Variants in IQGAP2 observed in about 807,000 individuals in gnomAD.
IQGAP2 encodes ras GTPase-activating-like protein IQGAP2.
In IQGAP2, 173 loss-of-function variants were observed where a neutral mutation model predicts 201.3. The observed-to-expected ratio is 0.86, with a 90% CI of 0.76 to 0.98. The LOEUF (loss-of-function observed/expected upper bound fraction) is 0.98. Among genes scored for constraint, IQGAP2 ranks in the 50% least tolerant of loss-of-function variants. IQGAP2 has a pLI of 0.00. For synonymous variants in IQGAP2, 675 were observed against 673.9 expected (o/e 1.00, Z -0.03); for missense variants, 1,687 against 1,864.8 (o/e 0.90, Z 1.76).
intron 17 of IQGAP2, among the ~76,000 whole-genome samples, chr5:76,642,538 A>G (rs980936009): frequency 6.6e-6 from 1 of 152,230 alleles, no homozygotes; most frequent in Non-Finnish European, 1.5e-5. Context: ...GATGTGGACC[A>G]GAAGTGAATA....
chr5:76,707,068 G>T (rs925633963), intron 35 of IQGAP2, 132 bp from the exon 36 acceptor site: 4 of 617,596 alleles, frequency 6.5e-6, no homozygotes, highest in Non-Finnish European at 1.2e-5. Flanking sequence ...ACCAACCTGG[G>T]CAACATAGTT....
At chr5:76,488,763 A>G (rs903965336) in intron 2 of IQGAP2, among the ~76,000 whole-genome samples, 1 of 152,156 alleles carries the variant, frequency 6.6e-6, no homozygotes, top group Non-Finnish European at 1.5e-5. Flanking sequence ...CTAATCCACC[A>G]GCTTATATTA....
At chr5:76,561,515 T>A (rs1744364187) in intron 2 of IQGAP2, among the ~76,000 whole-genome samples, 1 of 152,128 alleles carries the variant, frequency 6.6e-6, no homozygotes, top group Non-Finnish European at 1.5e-5. Context: ...GATTTGTAGA[T>A]CAGTAGCTGG....
intron 1 of IQGAP2, among the ~76,000 whole-genome samples, chr5:76,439,943 G>A (rs971333566): frequency 1.3e-5 from 2 of 152,072 alleles, no homozygotes; most frequent in Non-Finnish European, 2.9e-5. Flanking sequence ...TGTTTTATAG[G>A]CCATGTGAGT....
At chr5:76,609,329 C>T (rs542941976) in intron 12 of IQGAP2, 8 of 1,124,786 alleles carry the variant, frequency 7.1e-6, no homozygotes, top group Non-Finnish European at 1.0e-5. Flanking sequence ...ACGACAGTAC[C>T]TTGTATATAG....
At chr5:76,480,124 T>C (rs1755685415) in intron 2 of IQGAP2, among the ~76,000 whole-genome samples, 1 of 151,848 alleles carries the variant, frequency 6.6e-6, no homozygotes, top group African/African-American at 2.4e-5. Context: ...GGGCAGGGAG[T>C]GTCACCAGAG....
At chr5:76,647,821 C>A (rs1174384040) in intron 17 of IQGAP2, among the ~76,000 whole-genome samples, 4 of 105,690 alleles carry the variant, frequency 3.8e-5, no homozygotes, top group African/African-American at 1.6e-4. Flanking sequence ...TCTAGCCAAA[C>A]ACCACACACA....
chr5:76,600,717 T>C (rs998583296), intron 10 of IQGAP2, 95 bp from the exon 11 acceptor site: 9 of 1,452,748 alleles, frequency 6.2e-6, no homozygotes, highest in Middle Eastern at 1.8e-4. Context: ...GTTCTTTGAC[T>C]TTTTGTTGTT....
intron 6 of IQGAP2, 134 bp downstream of exon 6, chr5:76,589,107 A>AC: frequency 4.4e-6 from 2 of 450,050 alleles, no homozygotes; most frequent in Non-Finnish European, 8.1e-6. Flanking sequence ...AGGTCAGGAG[A>AC]TCGAGACCAT....
intron 1 of IQGAP2, among the ~76,000 whole-genome samples, chr5:76,453,661 T>G (rs1036342958): frequency 2.6e-5 from 4 of 152,230 alleles, no homozygotes; most frequent in Non-Finnish European, 4.4e-5. Context: ...GACCTGCTAA[T>G]TCTGCTTAAC....
intron 2 of IQGAP2, among the ~76,000 whole-genome samples, chr5:76,508,425 G>A (rs1235236910): frequency 1.3e-5 from 2 of 152,170 alleles, no homozygotes; most frequent in Non-Finnish European, 2.9e-5. Flanking sequence ...TGCCATTAGG[G>A]AATTACAAAT....
intron 35 of IQGAP2, among the ~76,000 whole-genome samples, chr5:76,705,759 T>G (rs957405066): frequency 6.6e-6 from 1 of 151,974 alleles, no homozygotes; most frequent in Non-Finnish European, 1.5e-5. Context: ...AGAGTCAGAG[T>G]TCTCTCAAAG....
chr5:76,565,873 T>G (rs1744712476), intron 3 of IQGAP2, among the ~76,000 whole-genome samples: 1 of 152,126 alleles, frequency 6.6e-6, no homozygotes, highest in Non-Finnish European at 1.5e-5. Context: ...AAAAATTGGA[T>G]TCCTGGGTCC....
chr5:76,577,459 G>T (rs1745545921), intron 5 of IQGAP2, among the ~76,000 whole-genome samples: 1 of 152,160 alleles, frequency 6.6e-6, no homozygotes, highest in African/African-American at 2.4e-5. Flanking sequence ...TCCTGGAGGG[G>T]ATTCCTGTTG....
intron 1 of IQGAP2, among the ~76,000 whole-genome samples, chr5:76,451,263 C>T (rs191482645): frequency 5.8e-4 from 88 of 152,246 alleles, no homozygotes; most frequent in Non-Finnish European, 3.8e-4. Context: ...TCCCCCATAC[C>T]GTGCTCCTCT....
Position 76,632,001 on chromosome 5 carries a change from G to T in IQGAP2, c.1755G>T (p.Lys585Asn). 6.2e-7 allele frequency: 1 copy of T among 1,607,302 alleles called. No individual in the cohort carries two copies. Among genetic ancestry groups the T allele is most frequent in the South Asian group, 1.1e-5 (1 of 89,126 alleles). The change falls in exon 15 of 36, where the codon AAG becomes AAT. Residue 585 changes from lysine to asparagine, a missense_variant. Transcript: ENST00000274364. ...CADKYYDALV[K>N]AKELKSERVS... ...ACAAATACTATGATGCCCTTGTGAA[G>T]GCAAAAGAGCTCAAATCTGAAAGAG...
chr5:76,427,770 C>G (rs1013063806), intron 1 of IQGAP2, among the ~76,000 whole-genome samples: 1 of 152,186 alleles, frequency 6.6e-6, no homozygotes, highest in Non-Finnish European at 1.5e-5. Flanking sequence ...TAGTGAGGCT[C>G]TGCTACGGAC....
intron 1 of IQGAP2, among the ~76,000 whole-genome samples, chr5:76,412,690 A>T (rs1397985970): frequency 6.6e-6 from 1 of 152,176 alleles, no homozygotes; most frequent in African/African-American, 2.4e-5. Flanking sequence ...TGCTGTTATG[A>T]CAGGTTTGCA....
At chr5:76,450,810 G>C (rs1240674828) in intron 1 of IQGAP2, among the ~76,000 whole-genome samples, 1 of 152,122 alleles carries the variant, frequency 6.6e-6, no homozygotes, top group African/African-American at 2.4e-5. Context: ...GGTGGCTTTA[G>C]TCCTGAATCT....
Sources: gnomAD v4.1 joint callset for allele counts (sites outside exome capture counted in the v4.1 genomes callset) on GRCh38, gnomAD v4.1.1 for gene constraint, MANE v1.5 for transcripts, NCBI Gene and HGNC (gene_info 2026-07-23, HGNC 2026-07-21) for gene names.